Variants in ARHGEF37 observed in about 807,000 individuals in gnomAD.
ARHGEF37 encodes the protein Rho guanine nucleotide exchange factor 37.
A neutral mutation model predicts 71.1 loss-of-function variants in ARHGEF37; 55 were observed. The ratio of observed to expected loss-of-function variants is 0.77; its 90% confidence interval spans 0.62 to 0.97. ARHGEF37 has a LOEUF of 0.97. ARHGEF37 is among the 50% of genes least tolerant of loss of function. The pLI is 0.00. For synonymous variants in ARHGEF37, 327 were observed against 350.6 expected (o/e 0.93, Z 0.75); for missense variants, 765 against 836.8 (o/e 0.91, Z 1.06).
chr5:149,571,605 A>G (rs745461746), intron 1 of ARHGEF37, among the ~76,000 whole-genome samples: 11 of 152,156 alleles, frequency 7.2e-5, no homozygotes, highest in African/African-American at 1.7e-4. Context: ...TCAAAATCAC[A>G]GTAGGCTATT....
At chr5:149,581,892 A>C (rs1168125249) in intron 1 of ARHGEF37, among the ~76,000 whole-genome samples, 1 of 152,180 alleles carries the variant, frequency 6.6e-6, no homozygotes, top group Non-Finnish European at 1.5e-5. Context: ...AAACATTATT[A>C]TTCTTTGTTC....
At chr5:149,558,283 G>A (rs1414704441) in intron 1 of ARHGEF37, among the ~76,000 whole-genome samples, 6 of 152,036 alleles carry the variant, frequency 3.9e-5, no homozygotes, top group South Asian at 2.1e-4. Context: ...TGAGGCGGGC[G>A]GATCACGAGG....
chr5:149,577,071 A>G (rs1010580127), upstream of ARHGEF37, among the ~76,000 whole-genome samples: 2 of 152,212 alleles, frequency 1.3e-5, no homozygotes, highest in Admixed American at 6.5e-5. Context: ...GAAAGCAACC[A>G]CACGAGAAAC....
intron 3 of ARHGEF37, among the ~76,000 whole-genome samples, chr5:149,604,582 G>T (rs1170715167): frequency 6.6e-6 from 1 of 151,584 alleles, no homozygotes; most frequent in Non-Finnish European, 1.5e-5. Flanking sequence ...AGGCCAGGCT[G>T]CTCTGGCTCT....
chr5:149,620,806 G>C (rs550450055), intron 8 of ARHGEF37, among the ~76,000 whole-genome samples: 1 of 148,534 alleles, frequency 6.7e-6, no homozygotes, highest in Admixed American at 6.7e-5. Context: ...ACTCCAGCCC[G>C]GAGACAGAGT....
At chr5:149,557,142 A>G (rs1762766420) in intron 1 of ARHGEF37, among the ~76,000 whole-genome samples, 1 of 152,204 alleles carries the variant, frequency 6.6e-6, no homozygotes, top group Admixed American at 6.5e-5. Flanking sequence ...GCTGACAAAT[A>G]CAGTATTTAA....
At chr5:149,565,029 T>C (rs938080996) in intron 1 of ARHGEF37, among the ~76,000 whole-genome samples, 15 of 152,198 alleles carry the variant, frequency 9.9e-5, no homozygotes, top group Non-Finnish European at 1.8e-4. Context: ...GACAGTCAGA[T>C]GTTAAATACC....
In ARHGEF37 at chr5:149,628,824, T is replaced by C. The variant is rs1339182254; in HGVS notation, c.1676T>C (p.Val559Ala). ...TGCTCCCTAGGACATCGTGGGTATG[T>C]GCCGGCTGGGAAACTACAGCTGTAC... ...LVDTGGHRGY[V>A]PAGKLQLYHV... Residue 559 changes from valine (V) to alanine (A), a missense_variant, in exon 12 of 13, where the codon GTG becomes GCG. Coordinates refer to ENST00000333677, the MANE Select transcript of ARHGEF37 (RefSeq NM_001001669.3). 1 of 1,613,148 alleles carries C rather than the reference T, an allele frequency of 6.2e-7. No homozygotes were observed. Among genetic ancestry groups the C allele is most frequent in the African/African-American group, 1.3e-5 (1 of 74,922 alleles).
chr5:149,589,537 T>C (rs1458358263), intron 1 of ARHGEF37, among the ~76,000 whole-genome samples: 2 of 152,096 alleles, frequency 1.3e-5, no homozygotes, highest in Non-Finnish European at 2.9e-5. Flanking sequence ...TTCCCTCTTG[T>C]TGCCCAAGCT....
rs749791448 is a variant in ARHGEF37 at position 149,601,244 on chromosome 5, C to A, written c.310+13C>A. The A allele has an allele frequency of 6.2e-7, 1 of 1,607,896 alleles. No individual in the cohort carries two copies. Among genetic ancestry groups the A allele is most frequent in the Non-Finnish European group, 8.5e-7 (1 of 1,175,214 alleles). On this transcript the variant is annotated intron_variant, in intron 3 of 12. Coordinates refer to ENST00000333677, the MANE Select transcript of ARHGEF37 (RefSeq NM_001001669.3). ...GTGCAGCTAGTTGGTAAGCAAAAAA[C>A]CTAAGGAGTTGTCAGCCTTAGATTC...
intron 1 of ARHGEF37, among the ~76,000 whole-genome samples, chr5:149,563,210 A>G (rs979454494): frequency 6.6e-6 from 1 of 151,992 alleles, no homozygotes; most frequent in Admixed American, 6.6e-5. Flanking sequence ...ATCAGTGTTC[A>G]TTTCTTCTGC....
intron 1 of ARHGEF37, among the ~76,000 whole-genome samples, chr5:149,569,974 T>C (rs1440128453): frequency 1.3e-5 from 2 of 152,208 alleles, no homozygotes; most frequent in South Asian, 4.1e-4. Context: ...GTAGGAGTAC[T>C]GTTTTATATT....
chr5:149,623,252 G>A (rs1396478371), intron 9 of ARHGEF37, among the ~76,000 whole-genome samples: 2 of 152,170 alleles, frequency 1.3e-5, no homozygotes, highest in African/African-American at 4.8e-5. Flanking sequence ...GCAGCCCTGT[G>A]GATGGAACTG....
chr5:149,597,949 C>G lies in ARHGEF37; in HGVS notation c.180C>G (p.Leu60=), dbSNP rs1363479250. The change falls in exon 2 of 13, where the codon CTC becomes CTG. Residue 60 remains leucine, a synonymous_variant. Coordinates refer to ENST00000333677, the MANE Select transcript of ARHGEF37 (RefSeq NM_001001669.3). The part of the protein sequence containing the change: ...QLCASDIRSR[L]QQLPQGDLDV... Reference sequence around the variant, plus strand: ...GTGCCTCTGACATCAGGAGCCGCCTCCAGCAGGTACTTGGGTGGGGTCACA... The same window carrying G: ...GTGCCTCTGACATCAGGAGCCGCCTGCAGCAGGTACTTGGGTGGGGTCACA... The G allele has an allele frequency of 6.3e-7, 1 of 1,586,700 alleles. No homozygotes were observed.
Position 149,608,617 on chromosome 5 carries a change from C to T in ARHGEF37, c.311-931C>T, listed in dbSNP as rs149329362. Among the ~76,000 whole-genome samples, 371 of 152,028 alleles carry T rather than the reference C, an allele frequency of 2.4e-3. 1 individual carries two copies. Among genetic ancestry groups the T allele is most frequent in the Non-Finnish European group, 4.3e-3 (290 of 67,982 alleles). On this transcript the variant is annotated intron_variant, in intron 3 of 12. Coordinates refer to ENST00000333677, the MANE Select transcript of ARHGEF37 (RefSeq NM_001001669.3). ...GGAACTCCTGACCTCGTGATCCACC[C>T]GTCTTGGCCTGCAAAGTGCTGGGAT... is the stretch of plus-strand genomic sequence containing the variant.
chr5:149,613,349 ATT>A (rs34322237), intron 4 of ARHGEF37, among the ~76,000 whole-genome samples: 1 of 145,168 alleles, frequency 6.9e-6, no homozygotes, highest in Non-Finnish European at 1.5e-5. Flanking sequence ...GATAGATAGA[ATT>A]TTTTTTTTTT....
Position 149,622,036 on chromosome 5 carries a change from C to A in ARHGEF37, c.1309C>A (p.Gln437Lys), listed in dbSNP as rs1251110399. 1 of 1,611,936 alleles carries A rather than the reference C, an allele frequency of 6.2e-7. No individual in the cohort carries two copies. The highest frequency in any genetic ancestry group is 8.5e-7 in the Non-Finnish European group (1 of 1,178,440). ...GAGGGACCTTGCAAAGCAAGTGCTG[C>A]AGAGGGCAGAGGGAAGCATGGCCCA... ...LQRDLAKQVL[Q>K]RAEGSMAQLP... Residue 437 changes from glutamine (Q) to lysine (K), a missense_variant, in exon 9 of 13, where the codon CAG becomes AAG. Gln to Lys is a moderately conservative substitution (Grantham distance 53). Around this residue, in one of 5 missense-constraint regions of ARHGEF37, gnomAD observed 390 missense variants for 407.4 expected, o/e 0.96. Transcript: ENST00000333677.
upstream of ARHGEF37, among the ~76,000 whole-genome samples, chr5:149,581,042 T>G (rs1199415008): frequency 1.3e-5 from 2 of 152,188 alleles, no homozygotes; most frequent in East Asian, 3.8e-4. Context: ...ACTGGCCGAC[T>G]TGGCTAAGGT....
chr5:149,574,330 A>C (rs1005172137), intron 1 of ARHGEF37, among the ~76,000 whole-genome samples: 5 of 152,258 alleles, frequency 3.3e-5, no homozygotes, highest in Non-Finnish European at 7.3e-5. Context: ...AAGGGTACTG[A>C]TCCAGAATTT....
Sources: allele counts gnomAD v4.1 joint callset (sites outside exome capture counted in the v4.1 genomes callset), GRCh38; gene constraint gnomAD v4.1.1; regional missense constraint gnomAD v4.1.1; transcripts MANE v1.5; gene names NCBI Gene and HGNC (gene_info 2026-07-23, HGNC 2026-07-21).